Variants in ABCC8 observed in about 807,000 individuals in gnomAD.
The protein encoded by ABCC8 is ATP binding cassette subfamily C member 8, also known as ATP-binding cassette sub-family C member 8.
A neutral mutation model predicts 188.0 loss-of-function variants in ABCC8; 137 were observed. The observed-to-expected ratio is 0.73, with a 90% CI of 0.63 to 0.84. The LOEUF (loss-of-function observed/expected upper bound fraction) is 0.84, where lower values mean the gene tolerates loss of function less well. ABCC8 is among the 40% of genes least tolerant of loss of function. The pLI is 0.00. For missense variants in ABCC8, 1,750 were observed against 2,072.7 expected, an observed-to-expected ratio of 0.84 and a Z score of 3.02; for synonymous variants, 797 against 846.5, an observed-to-expected ratio of 0.94 and a Z score of 1.01.
chr11:17,395,426 C>T, intron 35 of ABCC8, 151 bp from the exon 36 acceptor site: 1 of 1,494,818 alleles, frequency 6.7e-7, no homozygotes, highest in Non-Finnish European at 9.0e-7. Flanking sequence ...GGGACAGCAT[C>T]TTAGACCCAT....
chr11:17,407,312 G>C, intron 24 of ABCC8, 42 bp downstream of exon 24: 1 of 1,613,968 alleles, frequency 6.2e-7, no homozygotes, highest in Non-Finnish European at 8.5e-7. Context: ...TGGCTGATCA[G>C]ACCTCAGGCC....
chr11:17,473,248 T>C (rs972870768), intron 2 of ABCC8, among the ~76,000 whole-genome samples: 24 of 151,582 alleles, frequency 1.6e-4, no homozygotes, highest in Non-Finnish European at 5.9e-5. Flanking sequence ...GTGGCATTTG[T>C]GCTACTTTGG....
chr11:17,466,434 C>G (rs1235708111), intron 3 of ABCC8, among the ~76,000 whole-genome samples: 4 of 150,178 alleles, frequency 2.7e-5, no homozygotes, highest in African/African-American at 9.8e-5. Context: ...GTGCATGATG[C>G]CGCTTAGATG....
chr11:17,405,616 G>T, intron 26 of ABCC8, 53 bp from the exon 27 acceptor site: 1 of 1,613,936 alleles, frequency 6.2e-7, no homozygotes, highest in Non-Finnish European at 8.5e-7. Context: ...TTTACTTCCT[G>T]TTTACTGAAT....
At chr11:17,432,752 T>A (rs1229445965) in intron 10 of ABCC8, among the ~76,000 whole-genome samples, 1 of 152,170 alleles carries the variant, frequency 6.6e-6, no homozygotes, top group Non-Finnish European at 1.5e-5. Context: ...AAGCAGGATG[T>A]CCCTTAGAGT....
intron 2 of ABCC8, 103 bp from the exon 3 acceptor site, chr11:17,470,325 C>T: frequency 6.3e-7 from 1 of 1,578,698 alleles, no homozygotes; most frequent in South Asian, 1.2e-5. Context: ...ACCTTTATAG[C>T]ATCACTTTAT....
At position 17,406,879 on chromosome 11, in the gene ABCC8, C is replaced by T. The variant is rs759375858; in HGVS notation, c.3162+9G>A. The T allele has an allele frequency of 1.2e-6, 2 of 1,614,136 alleles. No individual in the cohort carries two copies. Among genetic ancestry groups the T allele is most frequent in the South Asian group, 1.1e-5 (1 of 91,082 alleles). The stretch of plus-strand genomic sequence containing the variant: ...ACTCCCAACCTCTGCCATGGGCCGC[C>T]AGTCACACCTGGCTGAGGGAGCAGT... On this transcript the variant is annotated intron_variant, in intron 25 of 38. Coordinates refer to ENST00000389817, the MANE Select transcript of ABCC8 (RefSeq NM_000352.6).
Position 17,430,954 on chromosome 11 carries a change from G to T in ABCC8, c.1677C>A (p.Phe559Leu), listed in dbSNP as rs772622250. 2 of 1,614,084 alleles carry T rather than the reference G, an allele frequency of 1.2e-6. No individual in the cohort carries two copies. The highest frequency in any genetic ancestry group is 2.2e-5 in the East Asian group (1 of 44,880). Residue 559 changes from phenylalanine (F) to leucine (L), a missense_variant, in exon 12 of 39, where the codon TTC becomes TTA. Transcript: ENST00000389817. ...AIPIAAVLIT[F>L]VGHVSFFKEA... ...CTTTGAAGAAGCTGACGTGGCCCAC[G>T]AAAGTCTGTGGACAGAGGCACAAGT...
At chr11:17,468,037 G>C (rs976879842) in intron 3 of ABCC8, among the ~76,000 whole-genome samples, 2 of 152,174 alleles carry the variant, frequency 1.3e-5, no homozygotes, top group East Asian at 3.8e-4. Flanking sequence ...GTTCTCTACA[G>C]ACAAGGAGCT....
chr11:17,422,955 C>T (rs1424061567), intron 16 of ABCC8, among the ~76,000 whole-genome samples: 1 of 152,038 alleles, frequency 6.6e-6, no homozygotes. Flanking sequence ...CCACACTCAT[C>T]CTTCAAGGCT....
At chr11:17,471,984 T>C (rs962277583) in intron 2 of ABCC8, among the ~76,000 whole-genome samples, 2 of 152,158 alleles carry the variant, frequency 1.3e-5, no homozygotes, top group African/African-American at 4.8e-5. Context: ...CCAACACCCT[T>C]CCTGGGGATC....
chr11:17,436,159 T>C (rs1359734298), intron 10 of ABCC8: 3 of 750,372 alleles, frequency 4.0e-6, no homozygotes, highest in East Asian at 2.5e-5. Context: ...ACAACCAACA[T>C]GTCTCAGCAA....
chr11:17,416,471 T>TA (rs1056356381), intron 17 of ABCC8, among the ~76,000 whole-genome samples: 14 of 151,356 alleles, frequency 9.2e-5, no homozygotes, highest in Non-Finnish European at 1.8e-4. Flanking sequence ...TCCTGTCACT[T>TA]AAAAAAAAAT....
At chr11:17,425,996 C>G (rs1955565233) in intron 16 of ABCC8, among the ~76,000 whole-genome samples, 1 of 152,168 alleles carries the variant, frequency 6.6e-6, no homozygotes, top group African/African-American at 2.4e-5. Flanking sequence ...TCATCCATGT[C>G]CCTGCAAAGG....
chr11:17,415,465 C>T (rs2133482714), intron 17 of ABCC8, 126 bp from the exon 18 acceptor site: 4 of 1,537,722 alleles, frequency 2.6e-6, no homozygotes, highest in East Asian at 4.9e-5. Context: ...CAGTCTGTAG[C>T]CACAAATGCT....
At position 17,406,662 on chromosome 11, in the gene ABCC8, G is replaced by A; in HGVS notation, c.3289C>T (p.His1097Tyr). Residue 1097 changes from histidine to tyrosine, a missense_variant, in exon 26 of 39, where the codon CAC becomes TAC. Physicochemically the swap from His to Tyr is moderately conservative, Grantham distance 83. Coordinates refer to ENST00000389817, the MANE Select transcript of ABCC8 (RefSeq NM_000352.6). Reference sequence around the variant, plus strand: ...ATGATCCGGTTTAGCAGGCTGCGGTGCAGTCTCTTGGCCACCTTCAGCCCT... The same window carrying A: ...ATGATCCGGTTTAGCAGGCTGCGGTACAGTCTCTTGGCCACCTTCAGCCCT... ...WTGLKVAKRL[H>Y]RSLLNRIILA... 1.2e-6 allele frequency: 2 copies of A among 1,614,220 alleles called. No homozygotes were observed. Among genetic ancestry groups the A allele is most frequent in the East Asian group, 2.2e-5 (1 of 44,878 alleles).
Position 17,428,344 on chromosome 11 carries a change from G to T in ABCC8, c.1985C>A (p.Pro662Gln), listed in dbSNP as rs1272221863. ...AREDCRGLTGPLQSLVPSADG... is the reference protein window; with the variant it reads ...AREDCRGLTGQLQSLVPSADG... Reference sequence around the variant, plus strand: ...TGCACTGGGGACCAGGCTCTGCAGTGGGCCGGTGAGGCCCCGACAATCCTC... The same window carrying T: ...TGCACTGGGGACCAGGCTCTGCAGTTGGCCGGTGAGGCCCCGACAATCCTC... The change falls in exon 14 of 39, where the codon CCA becomes CAA. Residue 662 changes from proline to glutamine, a missense_variant. By Grantham distance (76) the Pro-to-Gln change is moderately conservative (BLOSUM62 -1). Coordinates refer to ENST00000389817, the MANE Select transcript of ABCC8 (RefSeq NM_000352.6). The T allele has an allele frequency of 1.1e-5, 17 of 1,614,042 alleles. No individual in the cohort carries two copies. The highest frequency in any genetic ancestry group is 1.3e-5 in the Non-Finnish European group (15 of 1,180,032).
chr11:17,443,320 AG>A lies in ABCC8; in HGVS notation c.1333-9del. ...AATCACACCCACAATGATCTGAGGAAGGGGTCATGGGTCAGGTCCCTTTGAC... is the reference window on the plus strand; with the variant it reads ...AATCACACCCACAATGATCTGAGGAAGGGTCATGGGTCAGGTCCCTTTGAC... On this transcript the variant is annotated splice_polypyrimidine_tract_variant and intron_variant, in intron 8 of 38. Coordinates refer to ENST00000389817, the MANE Select transcript of ABCC8 (RefSeq NM_000352.6). 1.2e-6 allele frequency: 2 copies of A among 1,614,076 alleles called. No individual in the cohort carries two copies. The highest frequency in any genetic ancestry group is 1.7e-6 in the Non-Finnish European group (2 of 1,180,010).
intron 37 of ABCC8, 81 bp from the exon 38 acceptor site, chr11:17,393,840 G>A (rs1953761130): frequency 1.2e-6 from 2 of 1,613,378 alleles, no homozygotes; most frequent in African/African-American, 2.7e-5. Flanking sequence ...TGGAGCCCAG[G>A]TCTGTGGCTC....
Sources: gnomAD v4.1 joint callset for allele counts (sites outside exome capture counted in the v4.1 genomes callset) on GRCh38, gnomAD v4.1.1 for gene constraint, MANE v1.5 for transcripts, NCBI Gene and HGNC (gene_info 2026-07-23, HGNC 2026-07-21) for gene names.